The following CPAMD8 variants were observed in gnomAD, a reference collection of about 807,000 sequenced individuals.
The protein encoded by CPAMD8 is C3 and PZP like alpha-2-macroglobulin domain containing 8.
CPAMD8 carries 146 observed loss-of-function variants against 224.7 expected under a neutral mutation model. The ratio of observed to expected loss-of-function variants is 0.65; its 90% confidence interval spans 0.57 to 0.75. The LOEUF (loss-of-function observed/expected upper bound fraction) is 0.75. Among genes scored for constraint, CPAMD8 ranks in the 30% least tolerant of loss-of-function variants. The pLI is 0.00. For missense variants in CPAMD8, 2,301 were observed against 2,537.5 expected (o/e 0.91, Z 2.00); for synonymous variants, 966 against 1,044.6 (o/e 0.92, Z 1.45).
intron 22 of CPAMD8, among the ~76,000 whole-genome samples, chr19:16,939,813 C>A (rs554459314): frequency 7.2e-4 from 110 of 152,270 alleles, no homozygotes; most frequent in African/African-American, 2.6e-3. Flanking sequence ...GAATCTACAC[C>A]ATTGGTTCTC....
In CPAMD8 at chr19:16,961,205, C is replaced by T. The variant is rs544664393; in HGVS notation, c.2214-3290G>A. 4.6e-5 allele frequency among the ~76,000 whole-genome samples: 7 copies of T among 152,288 alleles called. No individual in the cohort carries two copies. In the East Asian group the frequency reaches 1.2e-3, roughly 25 times the overall value. On this transcript the variant is annotated intron_variant, in intron 18 of 41. Coordinates refer to ENST00000443236, the MANE Select transcript of CPAMD8 (RefSeq NM_015692.5). ...CCATGAAGGATGAGCCGCAGTAGGG[C>T]GGGGTGTCGCCTTACCCGGGAAGCA...
intron 21 of CPAMD8, among the ~76,000 whole-genome samples, chr19:16,946,515 T>TTG (rs141742862): frequency 2.5e-4 from 34 of 138,180 alleles, no homozygotes; most frequent in Admixed American, 5.7e-4. Flanking sequence ...GTGTGTGGAT[T>TTG]TGTGTGTGTG....
At chr19:16,896,810 C>T (rs1351817035) in intron 39 of CPAMD8, 145 bp from the exon 40 acceptor site, 1 of 471,454 alleles carries the variant, frequency 2.1e-6, no homozygotes, top group Non-Finnish European at 3.6e-6. Context: ...AATGGGAGGT[C>T]CTGAGCCCTG....
At chr19:16,999,204 A>G (rs1376400339) in intron 10 of CPAMD8, among the ~76,000 whole-genome samples, 1 of 152,158 alleles carries the variant, frequency 6.6e-6, no homozygotes, top group Non-Finnish European at 1.5e-5. Context: ...GCAAAAGGAC[A>G]TGAAGGATGT....
intron 29 of CPAMD8, 67 bp downstream of exon 29, chr19:16,914,357 G>A: frequency 1.5e-6 from 2 of 1,341,880 alleles, no homozygotes; most frequent in Non-Finnish European, 2.1e-6. Flanking sequence ...TGGCATAAAG[G>A]AGGGAACCTT....
At position 16,914,727 on chromosome 19, in the gene CPAMD8, CA is replaced by C. The variant is rs762292434; in HGVS notation, c.3715del (p.Trp1239GlyfsTer19). 1 of 1,614,118 alleles carries C rather than the reference CA, an allele frequency of 6.2e-7. No homozygotes were observed. Among genetic ancestry groups the C allele is most frequent in the South Asian group, 1.1e-5 (1 of 91,086 alleles). On this transcript the variant is annotated frameshift_variant, in exon 28 of 42. Transcript: ENST00000443236. LOFTEE classifies it high-confidence loss of function. ...ATCGGCCTGCTGCTGCTGGATGATC[CA>C]GCTCTTGGCGGCAGCCAGCTCCCGG... ...DPRELAAAKS[W>X]IIQQQQADGS...
intron 12 of CPAMD8, among the ~76,000 whole-genome samples, chr19:16,990,862 TCAAA>T (rs2055920135): frequency 6.0e-5 from 1 of 16,796 alleles, no homozygotes; most frequent in Non-Finnish European, 1.1e-4. Context: ...AAACTCTGTC[TCAAA>T]AAAAAAAAAA....
intron 39 of CPAMD8, chr19:16,896,933 T>G (rs1396075975): frequency 1.2e-5 from 4 of 333,304 alleles, no homozygotes; most frequent in Non-Finnish European, 2.2e-5. Context: ...TGGGCCGCCC[T>G]GCAACAACAG....
At chr19:17,020,463 G>T in intron 2 of CPAMD8, 110 bp from the exon 3 acceptor site, 1 of 780,378 alleles carries the variant, frequency 1.3e-6, no homozygotes, top group Non-Finnish European at 2.2e-6. Flanking sequence ...GGGGTTTCAT[G>T]TGGACAAACA....
At chr19:16,990,891 A>AAAAAAAAAAAAAC (rs2055925239) in intron 12 of CPAMD8, among the ~76,000 whole-genome samples, 1 of 141,796 alleles carries the variant, frequency 7.1e-6, no homozygotes, top group Non-Finnish European at 1.5e-5. Context: ...AAAAAAAAAA[A>AAAAAAAAAAAAAC]AGTTGGCCTG....
intron 26 of CPAMD8, among the ~76,000 whole-genome samples, chr19:16,923,878 C>A (rs967579078): frequency 1.3e-5 from 2 of 152,062 alleles, no homozygotes; most frequent in Admixed American, 1.3e-4. Flanking sequence ...CTCACTTGAG[C>A]CCAGGAGTTC....
intron 18 of CPAMD8, among the ~76,000 whole-genome samples, chr19:16,959,883 T>C (rs1202973399): frequency 6.6e-6 from 1 of 152,152 alleles, no homozygotes; most frequent in Non-Finnish European, 1.5e-5. Flanking sequence ...AGGATGTAAC[T>C]TGTTAACTCT....
chr19:16,915,931 C>T (rs1285517756), intron 27 of CPAMD8, among the ~76,000 whole-genome samples: 8 of 147,680 alleles, frequency 5.4e-5, no homozygotes, highest in South Asian at 2.2e-4. Context: ...CTTCCTTTTT[C>T]TCTCTCTCTT....
At chr19:16,971,794 C>T (rs2055072008) in intron 17 of CPAMD8, among the ~76,000 whole-genome samples, 1 of 152,172 alleles carries the variant, frequency 6.6e-6, no homozygotes, top group Non-Finnish European at 1.5e-5. Flanking sequence ...TGCCTGTAAT[C>T]CCAGCATTTT....
chr19:16,998,572 G>C lies in CPAMD8; in HGVS notation c.868-1234C>G, dbSNP rs563512175. Among the ~76,000 whole-genome samples the C allele has an allele frequency of 2.3e-4, 35 of 152,330 alleles. No homozygotes were observed. The South Asian group carries it at 2.9e-3, about 13-fold the overall frequency. On this transcript the variant is annotated intron_variant, in intron 10 of 41. Transcript: ENST00000443236. ...GGAAAGGGACTGAGAAGGAGCTTTG[G>C]GTGGGAGGTGGGGAGGAGCCGGTGC...
chr19:16,918,772 A>C (rs1426990712), intron 27 of CPAMD8, among the ~76,000 whole-genome samples: 1 of 141,640 alleles, frequency 7.1e-6, no homozygotes, highest in East Asian at 2.0e-4. Flanking sequence ...TTTTTTCTGA[A>C]TAGTTTCGAT....
intron 18 of CPAMD8, among the ~76,000 whole-genome samples, chr19:16,969,971 A>AT (rs2054995016): frequency 6.6e-6 from 1 of 151,638 alleles, no homozygotes; most frequent in African/African-American, 2.4e-5. Context: ...GCAGTGGCTC[A>AT]TGCCTGTAAT....
intron 27 of CPAMD8, among the ~76,000 whole-genome samples, chr19:16,916,813 CT>C (rs2052979391): frequency 6.6e-6 from 1 of 152,074 alleles, no homozygotes; most frequent in Non-Finnish European, 1.5e-5. Flanking sequence ...GCCGTTCTCC[CT>C]CTCAGGTACC....
rs191150633 is a variant in CPAMD8, at chr19:16,967,039, C to T, written c.2213+3852G>A. The stretch of plus-strand genomic sequence containing the variant: ...ATGCTACTATAAAGACACATGCACA[C>T]GTATGTTTATTGTGGCACTATTCAC... On this transcript the variant is annotated intron_variant, in intron 18 of 41. Coordinates refer to ENST00000443236, the MANE Select transcript of CPAMD8 (RefSeq NM_015692.5). Among the ~76,000 whole-genome samples the T allele has an allele frequency of 6.3e-3, 953 of 152,130 alleles. 9 individuals carry two copies. The highest frequency in any genetic ancestry group is 9.1e-3 in the Non-Finnish European group (621 of 68,006).
Sources: allele counts gnomAD v4.1 joint callset (sites outside exome capture counted in the v4.1 genomes callset), GRCh38; gene constraint gnomAD v4.1.1; transcripts MANE v1.5; gene names NCBI Gene and HGNC (gene_info 2026-07-23, HGNC 2026-07-21).